The following RUNDC1 variants were observed in gnomAD, a reference collection of about 807,000 sequenced individuals.
RUNDC1 encodes the protein RUN domain containing 1.
A neutral mutation model predicts 49.3 loss-of-function variants in RUNDC1; 31 were observed. The ratio of observed to expected loss-of-function variants is 0.63; its 90% CI spans 0.47 to 0.85. The LOEUF (loss-of-function observed/expected upper bound fraction) is 0.85. Ranked by LOEUF, RUNDC1 falls within the 40% of genes least tolerant of loss-of-function variation. The pLI is 0.00. For missense variants in RUNDC1, 715 were observed against 806.7 expected, an observed-to-expected ratio of 0.89 and a Z score of 1.38; for synonymous variants, 347 against 348.6, an observed-to-expected ratio of 1.00 and a Z score of 0.05.
chr17:42,981,191 TACGTGTGTCGG>T lies in RUNDC1; in HGVS notation c.498+119_498+129del, dbSNP rs1336475392. 5.3e-6 allele frequency: 7 copies of T among 1,312,134 alleles called. No homozygotes were observed. The African/African-American group carries it at 1.1e-4, about 20-fold the overall frequency. The allele number at this position is 1,312,134 out of a possible 1,614,324, so 81.3% of individuals were successfully genotyped here. A position where few individuals can be genotyped will look rare whatever the true frequency, so the allele number is the denominator to read the frequency against. ...AAGCCTCCCCGACTCGGTCGGTGAG[TACGTGTGTCGG>T]AGACCAGGGGACTGGAGTGCGGGGC... On this transcript the variant is annotated intron_variant, in intron 1 of 4. Coordinates refer to ENST00000361677, the MANE Select transcript of RUNDC1 (RefSeq NM_173079.5).
Position 42,989,496 on chromosome 17 carries a change from A to C in RUNDC1, c.813A>C (p.Lys271Asn). The change falls in exon 3 of 5, where the codon AAA (lysine) becomes AAC (asparagine). Residue 271 changes from lysine (K) to asparagine (N), a missense_variant. Physicochemically the swap from Lys to Asn is moderately conservative, Grantham distance 94. Around this residue, in one of 5 missense-constraint regions of RUNDC1, gnomAD observed 425 missense variants for 499.7 expected, o/e 0.85. Coordinates refer to ENST00000361677, the MANE Select transcript of RUNDC1 (RefSeq NM_173079.5). ...AAGAACAGTTGGTTGAGCAACTGAA[A>C]ACTCAGATCCGAGACCTTGAGATGT... ...RVKEQLVEQL[K>N]TQIRDLEMFI... The C allele has an allele frequency of 6.2e-7, 1 of 1,614,218 alleles. No homozygotes were observed. Among genetic ancestry groups the C allele is most frequent in the African/African-American group, 1.3e-5 (1 of 75,054 alleles).
At chr17:42,981,198 G>A (rs1306088859) in intron 1 of RUNDC1, 124 bp downstream of exon 1, 2 of 1,278,446 alleles carry the variant, frequency 1.6e-6, no homozygotes, top group Admixed American at 5.5e-5. Context: ...GAGTACGTGT[G>A]TCGGAGACCA....
chr17:42,983,327 TG>T, intron 1 of RUNDC1, among the ~76,000 whole-genome samples: 1 of 151,546 alleles, frequency 6.6e-6, no homozygotes. Context: ...GGAATATCAT[TG>T]AACTGAATGA....
Position 42,994,138 on chromosome 17 carries a change from G to A in RUNDC1, c.*2422G>A, listed in dbSNP as rs1237023237. On this transcript the variant is annotated 3_prime_UTR_variant, in exon 5 of 5. Transcript: ENST00000361677. The stretch of plus-strand genomic sequence containing the variant: ...CTCCCAAAGTGCTGGGATTATAGGC[G>A]TGAGCCACCACACCCAGCCAGGATT... Among the ~76,000 whole-genome samples, 5 of 152,322 alleles carry A rather than the reference G, an allele frequency of 3.3e-5. No homozygotes were observed. The highest frequency in any genetic ancestry group is 2.4e-5 in the African/African-American group (1 of 41,576).
At position 42,980,613 on chromosome 17, in the gene RUNDC1, G is replaced by T; in HGVS notation, c.37G>T (p.Val13Leu). Reference protein sequence around the residue: ...AVEAAAEPVTVVAAVGPKAKD... With the variant: ...AVEAAAEPVTLVAAVGPKAKD... Reference sequence around the variant, plus strand: ...CGAAGCGGCTGCAGAGCCGGTAACGGTGGTGGCGGCTGTTGGGCCAAAGGC... The same window carrying T: ...CGAAGCGGCTGCAGAGCCGGTAACGTTGGTGGCGGCTGTTGGGCCAAAGGC... Residue 13 changes from valine to leucine, a missense_variant, in exon 1 of 5, where the codon GTG becomes TTG. Around this residue, in one of 5 missense-constraint regions of RUNDC1, gnomAD observed 153 missense variants for 139.4 expected, o/e 1.10. Coordinates refer to ENST00000361677, the MANE Select transcript of RUNDC1 (RefSeq NM_173079.5). 1 of 1,609,390 alleles carries T rather than the reference G, an allele frequency of 6.2e-7. No homozygotes were observed. Among genetic ancestry groups the T allele is most frequent in the Non-Finnish European group, 8.5e-7 (1 of 1,179,236 alleles).
intron 1 of RUNDC1, among the ~76,000 whole-genome samples, chr17:42,984,568 C>T (rs1023094288): frequency 2.0e-5 from 3 of 152,178 alleles, no homozygotes; most frequent in African/African-American, 7.2e-5. Context: ...TTTCTCTTAT[C>T]TTACTTCATA....
Position 42,991,874 on chromosome 17 carries a change from C to G in RUNDC1, c.*158C>G. 1.4e-6 allele frequency: 1 copy of G among 735,188 alleles called. No homozygotes were observed. Among genetic ancestry groups the G allele is most frequent in the East Asian group, 2.6e-5 (1 of 37,914 alleles). 45.5% of individuals were successfully genotyped at this position (735,188 alleles called of 1,614,324 possible). A position where few individuals can be genotyped will look rare whatever the true frequency, so the allele number is the denominator to read the frequency against. On this transcript the variant is annotated 3_prime_UTR_variant, in exon 5 of 5. Transcript: ENST00000361677. ...ATGAGTGCAAAGTCTGTTTTCCCCACCAACTTAGCTCTCGGAAAGATGTGC... is the reference window on the plus strand; with the variant it reads ...ATGAGTGCAAAGTCTGTTTTCCCCAGCAACTTAGCTCTCGGAAAGATGTGC...
chr17:42,983,622 C>T (rs2050131897), intron 1 of RUNDC1, among the ~76,000 whole-genome samples: 1 of 151,188 alleles, frequency 6.6e-6, no homozygotes, highest in Non-Finnish European at 1.5e-5. Context: ...AGCCACCCAC[C>T]TTGGCCACCC....
Position 42,994,906 on chromosome 17 carries a change from G to A in RUNDC1, c.*3190G>A, listed in dbSNP as rs1438422340. ...CAAGAGCCACGGATATGTATGCAGT[G>A]GAAATGTAGGGTGTGTTGTACAAGT... On this transcript the variant is annotated 3_prime_UTR_variant, in exon 5 of 5. Coordinates refer to ENST00000361677, the MANE Select transcript of RUNDC1 (RefSeq NM_173079.5). Among the ~76,000 whole-genome samples, 3 of 152,186 alleles carry A rather than the reference G, an allele frequency of 2.0e-5. No homozygotes were observed. The highest frequency in any genetic ancestry group is 1.9e-4 in the East Asian group (1 of 5,172).
At chr17:42,985,865 A>G (rs938108250) in intron 1 of RUNDC1, among the ~76,000 whole-genome samples, 7 of 152,184 alleles carry the variant, frequency 4.6e-5, no homozygotes, top group Non-Finnish European at 7.3e-5. Context: ...CTGGTGGCCA[A>G]CAGTTGAAAA....
chr17:42,985,299 A>T (rs1300709088), intron 1 of RUNDC1, among the ~76,000 whole-genome samples: 1 of 152,232 alleles, frequency 6.6e-6, no homozygotes, highest in Non-Finnish European at 1.5e-5. Flanking sequence ...TTTGTCCTTA[A>T]GGAGTTCATA....
rs1313569613 is a variant in RUNDC1, at chr17:42,992,593, A to G, written c.*877A>G. On this transcript the variant is annotated 3_prime_UTR_variant, in exon 5 of 5. Transcript: ENST00000361677. ...CAAAAAAAAAAAAAAAAAAAAAAAG[A>G]CATTCAACTTGAGGCTCCTGTTAGT... 1 of 145,712 alleles carries G rather than the reference A, an allele frequency of 6.9e-6. No individual in the cohort carries two copies. Among genetic ancestry groups the G allele is most frequent in the African/African-American group, 2.5e-5 (1 of 40,280 alleles). 9.0% of individuals were successfully genotyped at this position (145,712 alleles called of 1,614,324 possible).
In RUNDC1 at chr17:42,991,400, T is replaced by C. The variant is rs2151961077; in HGVS notation, c.1526T>C (p.Val509Ala). Residue 509 changes from valine (V) to alanine (A), a missense_variant, in exon 5 of 5, where the codon GTT (valine) becomes GCT (alanine). Val to Ala is a moderately conservative substitution (Grantham distance 64, BLOSUM62 0). This residue lies in a region of RUNDC1 where 425 missense variants were observed against 499.7 expected (regional missense o/e 0.85). Transcript: ENST00000361677. ...GCCCTTCCTGTTACGGGAGGCACTG[T>C]TGTCACCCCCAAACAGAGCCTACTG... ...SFALPVTGGT[V>A]VTPKQSLLTA... is the part of the protein sequence containing the mutation. The C allele has an allele frequency of 6.2e-7, 1 of 1,614,078 alleles. No homozygotes were observed. Among genetic ancestry groups the C allele is most frequent in the East Asian group, 2.2e-5 (1 of 44,902 alleles).
chr17:42,987,563 A>G lies in RUNDC1; in HGVS notation c.657+149A>G, dbSNP rs534879932. The G allele has an allele frequency of 1.2e-5, 8 of 678,612 alleles. No homozygotes were observed. In the Admixed American group the frequency reaches 1.2e-4, roughly 10 times the overall value. 42.0% of individuals were successfully genotyped at this position (678,612 alleles called of 1,614,324 possible). On this transcript the variant is annotated intron_variant, in intron 2 of 4. Coordinates refer to ENST00000361677, the MANE Select transcript of RUNDC1 (RefSeq NM_173079.5). The stretch of plus-strand genomic sequence containing the variant: ...CAAATCAAAGGGAAATTTTACTGCT[A>G]TGAGGAACCTTTCTTTGCTCACACA...
chr17:42,982,287 C>T (rs1248017951), intron 1 of RUNDC1, among the ~76,000 whole-genome samples: 3 of 152,078 alleles, frequency 2.0e-5, no homozygotes, highest in African/African-American at 7.2e-5. Context: ...ATGCCCCATC[C>T]CTTTTCACCA....
chr17:42,983,758 G>A (rs1184924167), intron 1 of RUNDC1, among the ~76,000 whole-genome samples: 8 of 151,418 alleles, frequency 5.3e-5, no homozygotes, highest in South Asian at 2.1e-4. Context: ...AGCAACCTCC[G>A]CCTCCTGGGT....
chr17:42,991,481 C>G lies in RUNDC1; in HGVS notation c.1607C>G (p.Ser536Ter), dbSNP rs754919339. 6.2e-7 allele frequency: 1 copy of G among 1,614,172 alleles called. No individual in the cohort carries two copies. Among genetic ancestry groups the G allele is most frequent in the South Asian group, 1.1e-5 (1 of 91,078 alleles). ...EHDPFKRSAD[S>*]ELKALVCMAL... ...GACCCTTTTAAGCGCAGTGCAGACT[C>G]AGAATTGAAGGCCTTGGTGTGCATG... is the stretch of plus-strand genomic sequence containing the variant. The change falls in exon 5 of 5, where the codon TCA becomes TGA. Residue 536 changes from serine to a stop codon, truncating the protein, a stop_gained. Coordinates refer to ENST00000361677, the MANE Select transcript of RUNDC1 (RefSeq NM_173079.5). LOFTEE classifies it high-confidence loss of function.
At chr17:42,981,137 C>T (rs2050078470) in intron 1 of RUNDC1, 63 bp downstream of exon 1, 1 of 1,488,548 alleles carries the variant, frequency 6.7e-7, no homozygotes, top group Admixed American at 2.2e-5. Context: ...GGTGGCGATC[C>T]AGACCCGGAT....
In RUNDC1 at chr17:42,990,363, C is replaced by T; in HGVS notation, c.903C>T (p.Cys301=). ...AGACAGGTGGTGGACACTGTGAGTG[C>T]AAGGCCGGTGGGAAGACAGGAAATG... ...PLQTGGGHCE[C]KAGGKTGNGC... Residue 301 remains cysteine, a synonymous_variant, in exon 4 of 5, where the codon TGC becomes TGT. Coordinates refer to ENST00000361677, the MANE Select transcript of RUNDC1 (RefSeq NM_173079.5). 1 of 1,614,100 alleles carries T rather than the reference C, an allele frequency of 6.2e-7. No homozygotes were observed. Among genetic ancestry groups the T allele is most frequent in the Non-Finnish European group, 8.5e-7 (1 of 1,180,014 alleles).
Sources: allele counts gnomAD v4.1 joint callset (sites outside exome capture counted in the v4.1 genomes callset), GRCh38; gene constraint gnomAD v4.1.1; regional missense constraint gnomAD v4.1.1; transcripts MANE v1.5; gene names NCBI Gene and HGNC (gene_info 2026-07-23, HGNC 2026-07-21).